ITSN2: variants seen among roughly 807,000 people sequenced by gnomAD.
The protein encoded by ITSN2 is intersectin-2.
A neutral mutation model predicts 243.7 loss-of-function variants in ITSN2; 156 were observed. The observed-to-expected ratio is 0.64, with a 90% CI of 0.56 to 0.73. ITSN2 has a LOEUF of 0.73. Among genes scored for constraint, ITSN2 ranks in the 30% least tolerant of loss-of-function variants. The probability of loss-of-function intolerance (pLI) is 0.00; values close to 1 mark genes in which losing one functional copy is unlikely to be tolerated. For missense variants in ITSN2, 1,801 were observed against 1,996.1 expected, an observed-to-expected ratio of 0.90 and a Z score of 1.86; for synonymous variants, 703 against 699.9, an observed-to-expected ratio of 1.00 and a Z score of -0.07.
rs1006958548 is a variant in ITSN2, at chr2:24,203,338, T to C, written c.*288A>G. The C allele has an allele frequency of 3.7e-5, 10 of 269,766 alleles. No homozygotes were observed. The highest frequency in any genetic ancestry group is 6.3e-5 in the Non-Finnish European group (9 of 141,788). 16.7% of individuals were successfully genotyped at this position (269,766 alleles called of 1,614,324 possible). ...GGTGGTCTGATGCCTCATTTCCAAG[T>C]AATACTTTTTATAGCCCTGAAAATG... On this transcript the variant is annotated 3_prime_UTR_variant, in exon 40 of 40. Transcript: ENST00000355123.
chr2:24,313,579 A>G (rs1357314648), intron 3 of ITSN2, 56 bp from the exon 4 acceptor site: 5 of 1,228,130 alleles, frequency 4.1e-6, no homozygotes, highest in African/African-American at 1.5e-5. Flanking sequence ...AATTATTCCA[A>G]TGCTTCTGAA....
intron 2 of ITSN2, among the ~76,000 whole-genome samples, chr2:24,327,410 T>G (rs1685275924): frequency 1.3e-5 from 2 of 152,030 alleles, no homozygotes; most frequent in Non-Finnish European, 2.9e-5. Context: ...GTGATTCTCC[T>G]GCCTCAACCT....
chr2:24,215,035 A>G (rs1669831881), intron 32 of ITSN2, among the ~76,000 whole-genome samples: 1 of 152,258 alleles, frequency 6.6e-6, no homozygotes. Flanking sequence ...TTCTCAAAAT[A>G]TGACTTTCTA....
At chr2:24,247,085 T>A (rs1281055476) in intron 27 of ITSN2, among the ~76,000 whole-genome samples, 192 bp from the exon 28 acceptor site, 5 of 152,058 alleles carry the variant, frequency 3.3e-5, no homozygotes, top group Non-Finnish European at 7.4e-5. Context: ...CTGGTCAGAG[T>A]GTCTTAGTTT....
At position 24,220,923 on chromosome 2, in the gene ITSN2, TAGCC is replaced by T. The variant is rs776371816; in HGVS notation, c.3699+18_3699+21del. On this transcript the variant is annotated intron_variant, in intron 30 of 39. Transcript: ENST00000355123. ...GAGAGACAGCAGATACCCCGAGAGC[TAGCC>T]AGCAGCAGCCTCCTCACCTCGACGA... 1.0e-5 allele frequency: 16 copies of T among 1,585,198 alleles called. No individual in the cohort carries two copies. The highest frequency in any genetic ancestry group is 1.7e-4 in the Middle Eastern group (1 of 5,978).
Position 24,208,282 on chromosome 2 carries a change from G to C in ITSN2, c.4633C>G (p.Gln1545Glu). The C allele has an allele frequency of 6.2e-7, 1 of 1,610,756 alleles. No individual in the cohort carries two copies. Among genetic ancestry groups the C allele is most frequent in the Non-Finnish European group, 8.5e-7 (1 of 1,179,314 alleles). Residue 1545 changes from glutamine to glutamate, a missense_variant, in exon 37 of 40, where the codon CAG becomes GAG. Gln to Glu is a conservative substitution (Grantham distance 29). Coordinates refer to ENST00000355123, the MANE Select transcript of ITSN2 (RefSeq NM_006277.3). ...TTCTTCTTCTCGGTGTCGATGTACT[G>C]CTCAGACGCCGCCTTGATCTTCTGC... ...WVQKIKAASE[Q>E]YIDTEKKKRE...
intron 29 of ITSN2, among the ~76,000 whole-genome samples, chr2:24,223,139 G>A (rs1670641538): frequency 6.6e-6 from 1 of 152,204 alleles, no homozygotes; most frequent in South Asian, 2.1e-4. Context: ...ACCTTCTGTA[G>A]CTAAGGCAAC....
intron 27 of ITSN2, among the ~76,000 whole-genome samples, chr2:24,247,219 T>C (rs1168928039): frequency 6.6e-6 from 1 of 152,188 alleles, no homozygotes; most frequent in South Asian, 2.1e-4. Flanking sequence ...ACTGTATCTA[T>C]GTGAGGAACC....
At chr2:24,284,887 AATT>A (rs1317067201) in intron 16 of ITSN2, 44 bp from the exon 17 acceptor site, 2 of 882,908 alleles carry the variant, frequency 2.3e-6, no homozygotes, top group Non-Finnish European at 3.5e-6. Flanking sequence ...CTACGTACAG[AATT>A]TTTTTTTTTT....
rs764736005 is a variant in ITSN2, at chr2:24,216,150, G to A, written c.3889C>T (p.His1297Tyr). The stretch of plus-strand genomic sequence containing the variant: ...CAGAACCTGATGTAAGCCTGCATGT[G>A]GGACAGCTCAGCGGCCAGGATGTCC... ...IGDILAAELS[H>Y]MQAYIRFCSC... The change falls in exon 32 of 40, where the codon CAC (histidine) becomes TAC (tyrosine). Residue 1297 changes from histidine (H) to tyrosine (Y), a missense_variant. Around this residue, in one of 5 missense-constraint regions of ITSN2, gnomAD observed 928 missense variants for 1,065.4 expected, o/e 0.87. Transcript: ENST00000355123. The A allele has an allele frequency of 6.2e-7, 1 of 1,612,934 alleles. No individual in the cohort carries two copies. Among genetic ancestry groups the A allele is most frequent in the Admixed American group, 1.7e-5 (1 of 59,916 alleles).
rs1004312473 is a variant in ITSN2 at position 24,334,756 on chromosome 2, G to T, written c.-33-6641C>A. On this transcript the variant is annotated intron_variant, in intron 1 of 39. Transcript: ENST00000355123. The stretch of plus-strand genomic sequence containing the variant: ...AGCCCAACTGCAGATCTAAGAGAAT[G>T]TTGGCTATTAAAAGATGCAAGCATT... 10 of 1,565,066 alleles carry T rather than the reference G, an allele frequency of 6.4e-6. No individual in the cohort carries two copies. The Admixed American group carries it at 8.4e-5, about 13-fold the overall frequency.
rs184816658 is a variant in ITSN2 at position 24,298,300 on chromosome 2, G to A, written c.1494+365C>T. ...AGTGTCCCAAGTAGCTGGGACTACA[G>A]GCGCACACCACCACTCCTGGCTAAT... is the stretch of plus-strand genomic sequence containing the variant. On this transcript the variant is annotated intron_variant, in intron 13 of 39. Coordinates refer to ENST00000355123, the MANE Select transcript of ITSN2 (RefSeq NM_006277.3). Among the ~76,000 whole-genome samples the A allele has an allele frequency of 2.1e-3, 327 of 152,318 alleles. 1 individual carries two copies. Among genetic ancestry groups the A allele is most frequent in the African/African-American group, 7.5e-3 (312 of 41,574 alleles).
At chr2:24,236,694 G>T in intron 29 of ITSN2, among the ~76,000 whole-genome samples, 1 of 131,588 alleles carries the variant, frequency 7.6e-6, no homozygotes. Context: ...TTTGGACATA[G>T]GGTCTCATTC....
intron 20 of ITSN2, among the ~76,000 whole-genome samples, chr2:24,264,959 T>C (rs142684398): frequency 6.6e-6 from 1 of 152,188 alleles, no homozygotes; most frequent in African/African-American, 2.4e-5. Flanking sequence ...CTGCTGAGAT[T>C]TTTGTTGTTG....
intron 1 of ITSN2, among the ~76,000 whole-genome samples, chr2:24,350,159 T>C (rs1328020403): frequency 6.6e-6 from 1 of 152,204 alleles, no homozygotes; most frequent in Non-Finnish European, 1.5e-5. Flanking sequence ...GGGAATGGAA[T>C]AACAATAGCC....
intron 1 of ITSN2, among the ~76,000 whole-genome samples, chr2:24,330,977 G>A (rs1396062944): frequency 6.6e-6 from 1 of 151,568 alleles, no homozygotes; most frequent in Non-Finnish European, 1.5e-5. Flanking sequence ...ATGTTGGTCA[G>A]GCTTGTCTCG....
chr2:24,354,966 A>G (rs1688318142), intron 1 of ITSN2, among the ~76,000 whole-genome samples: 1 of 152,230 alleles, frequency 6.6e-6, no homozygotes, highest in South Asian at 2.1e-4. Context: ...TTTTGAAACA[A>G]TACTATACAT....
chr2:24,210,614 CA>C lies in ITSN2; in HGVS notation c.4257+165del, dbSNP rs950984341. Among the ~76,000 whole-genome samples the C allele has an allele frequency of 6.2e-3, 337 of 53,984 alleles. 1 individual carries two copies. The highest frequency in any genetic ancestry group is 0.021 in the African/African-American group (248 of 11,628). 35.4% of individuals were successfully genotyped at this position (53,984 alleles called of 152,430 possible). A position where few individuals can be genotyped will look rare whatever the true frequency, so the allele number is the denominator to read the frequency against. On this transcript the variant is annotated intron_variant, in intron 34 of 39. Transcript: ENST00000355123. ...TGGGCAACAGAGTGAGACTCCGTCT[CA>C]AAAAAAAAAAAAAAAAAAAGAAAAA... is the stretch of plus-strand genomic sequence containing the variant.
At chr2:24,253,470 G>A (rs866570713) in intron 24 of ITSN2, among the ~76,000 whole-genome samples, 2 of 152,104 alleles carry the variant, frequency 1.3e-5, no homozygotes, top group African/African-American at 2.4e-5. Flanking sequence ...ACGTTCCCCC[G>A]TTCCTTGGCT....
Sources: allele counts gnomAD v4.1 joint callset (sites outside exome capture counted in the v4.1 genomes callset), GRCh38; gene constraint gnomAD v4.1.1; regional missense constraint gnomAD v4.1.1; transcripts MANE v1.5; gene names NCBI Gene and HGNC (gene_info 2026-07-23, HGNC 2026-07-21).